The following NEB variants were observed in gnomAD, a reference collection of about 807,000 sequenced individuals.
NEB encodes nebulin.
Under a neutral mutation model 952.2 loss-of-function variants are expected in NEB, and 512 were observed. That is an observed-to-expected ratio of 0.54 (90% CI 0.50 to 0.58). NEB has a LOEUF of 0.58. NEB is among the 20% of genes least tolerant of loss of function. The pLI is 0.00. For synonymous variants in NEB, 2,900 were observed against 3,149.8 expected (o/e 0.92, Z 2.66); for missense variants, 8,428 against 9,231.1 (o/e 0.91, Z 3.56).
At chr2:151,625,896 G>A (rs1356763604) in intron 70 of NEB, among the ~76,000 whole-genome samples, 1 of 152,066 alleles carries the variant, frequency 6.6e-6, no homozygotes, top group Non-Finnish European at 1.5e-5. Context: ...ACGTGTGTGT[G>A]TTTGGTAACC....
intron 135 of NEB, among the ~76,000 whole-genome samples, chr2:151,544,481 G>A (rs1014322357): frequency 3.9e-5 from 6 of 152,126 alleles, no homozygotes; most frequent in Non-Finnish European, 7.4e-5. Context: ...AGGGGTCAGG[G>A]CCCTCTCTGG....
At position 151,692,872 on chromosome 2, in the gene NEB, A is replaced by G. The variant is rs543214700; in HGVS notation, c.1897-510T>C. On this transcript the variant is annotated intron_variant, in intron 20 of 181. Transcript: ENST00000397345. ...GTAATCCCAGCTACTTGGGAGGCTG[A>G]GGCAGGAGAATTGCTTGAACCTGGG... is the stretch of plus-strand genomic sequence containing the variant. 2.0e-5 allele frequency among the ~76,000 whole-genome samples: 3 copies of G among 152,300 alleles called. No homozygotes were observed. The East Asian group carries it at 5.8e-4, about 29-fold the overall frequency.
chr2:151,705,204 T>A (rs2099700200), intron 13 of NEB, among the ~76,000 whole-genome samples: 1 of 152,192 alleles, frequency 6.6e-6, no homozygotes, highest in Admixed American at 6.5e-5. Context: ...TACTAAGAGT[T>A]ACTACTAACT....
rs1227653633 is a variant in NEB at position 151,525,178 on chromosome 2, G to A, written c.22257C>T (p.Ala7419=). The change falls in exon 151 of 182, where the codon GCC becomes GCT. Residue 7419 remains alanine, a synonymous_variant. Transcript: ENST00000397345. ...GAAAACTTACATCACTTTGCTTCTT[G>A]GCCACTTCCATAGCATGTTTCACCT... ...PPEVKHAMEV[A]KKQSDVAYRK... is the part of the protein sequence containing the mutation. The A allele has an allele frequency of 6.2e-7, 1 of 1,613,322 alleles. No homozygotes were observed. Among genetic ancestry groups the A allele is most frequent in the East Asian group, 2.2e-5 (1 of 44,892 alleles).
At chr2:151,543,222 C>T (rs961464199) in intron 135 of NEB, among the ~76,000 whole-genome samples, 9 of 152,090 alleles carry the variant, frequency 5.9e-5, no homozygotes, top group Admixed American at 2.6e-4. Flanking sequence ...TAATGTAATG[C>T]GGCAAATGAG....
chr2:151,627,940 A>G (rs1418138437), intron 68 of NEB, 106 bp from the exon 69 acceptor site: 2 of 1,384,322 alleles, frequency 1.4e-6, no homozygotes, highest in East Asian at 2.4e-5. Flanking sequence ...TTGCAGAGTA[A>G]TGAAAGAATC....
rs760042753 is a variant in NEB at position 151,639,341 on chromosome 2, T to G, written c.8933A>C (p.His2978Pro). 2 of 1,546,646 alleles carry G rather than the reference T, an allele frequency of 1.3e-6. No homozygotes were observed. The highest frequency in any genetic ancestry group is 1.7e-6 in the Non-Finnish European group (2 of 1,148,154). Reference protein sequence around the residue: ...EAWDKDKTQIHIMPDTPEIML... With the variant: ...EAWDKDKTQIPIMPDTPEIML... ...AATTTCTGGTGTGTCTGGCATTATG[T>G]GGATCTGAGTCTTGTCTTTGTCCCA... Residue 2978 changes from histidine to proline, a missense_variant, in exon 63 of 182, where the codon CAC becomes CCC. Transcript: ENST00000397345.
At chr2:151,624,589 C>A (rs1046790373) in intron 71 of NEB, among the ~76,000 whole-genome samples, 1 of 152,064 alleles carries the variant, frequency 6.6e-6, no homozygotes, top group Admixed American at 6.6e-5. Context: ...GAAATCATAC[C>A]CTCTCCATTT....
chr2:151,501,570 AT>A, intron 167 of NEB, 87 bp from the exon 168 acceptor site: 1 of 640,888 alleles, frequency 1.6e-6, no homozygotes, highest in Non-Finnish European at 2.4e-6. Flanking sequence ...TAAAAGAAGT[AT>A]TTTTATTGTT....
In NEB at chr2:151,642,699, A is replaced by G; in HGVS notation, c.8266-18T>C. 6.2e-7 allele frequency: 1 copy of G among 1,611,330 alleles called. No individual in the cohort carries two copies. Among genetic ancestry groups the G allele is most frequent in the African/African-American group, 1.3e-5 (1 of 75,024 alleles). On this transcript the variant is annotated intron_variant, in intron 59 of 181. Coordinates refer to ENST00000397345, the MANE Select transcript of NEB (RefSeq NM_001164508.2). ...TACAATTTCTAAAATAGACATTAAT[A>G]GTAAGTTGGATTTATAAAGTGCATT...
rs1273814422 is a variant in NEB, at chr2:151,723,387, T to G, written c.712A>C (p.Ser238Arg). 1 of 1,606,046 alleles carries G rather than the reference T, an allele frequency of 6.2e-7. No homozygotes were observed. Among genetic ancestry groups the G allele is most frequent in the Admixed American group, 1.7e-5 (1 of 58,958 alleles). The change falls in exon 9 of 182, where the codon AGT becomes CGT. Residue 238 changes from serine to arginine, a missense_variant. Physicochemically the swap from Ser to Arg is moderately radical, Grantham distance 110 (BLOSUM62 -1). Transcript: ENST00000397345. The part of the protein sequence containing the change: ...RRVAQAQKAL[S>R]DVAYKKGLAE... Reference sequence around the variant, plus strand: ...GCCACTTGCATTTCACTTACATCACTGAGAGCTTTCTGGGCCTGGGCAACT... The same window carrying G: ...GCCACTTGCATTTCACTTACATCACGGAGAGCTTTCTGGGCCTGGGCAACT...
At chr2:151,674,621 A>C in intron 35 of NEB, 37 bp from the exon 36 acceptor site, 1 of 1,431,966 alleles carries the variant, frequency 7.0e-7, no homozygotes, top group South Asian at 1.2e-5. Context: ...AGCATCTGTA[A>C]GTGATTCCTC....
intron 142 of NEB, 66 bp downstream of exon 142, chr2:151,535,625 A>T: frequency 9.8e-7 from 1 of 1,021,532 alleles, no homozygotes; most frequent in Non-Finnish European, 1.4e-6. Flanking sequence ...GCTTTAATTT[A>T]AAAAAACTCT....
Position 151,614,447 on chromosome 2 carries a change from C to T in NEB, c.11430G>A (p.Lys3810=), listed in dbSNP as rs764934509. Residue 3810 remains lysine (K), a synonymous_variant, in exon 77 of 182, where the codon AAG becomes AAA. Coordinates refer to ENST00000397345, the MANE Select transcript of NEB (RefSeq NM_001164508.2). ...SDREYKKEFE[K]WKTKFSSPVD... ...CTGGGCTGCTGAACTTGGTCTTCCA[C>T]TTCTCAAACTCCTTCTTGTACTCCC... 2 of 1,613,938 alleles carry T rather than the reference C, an allele frequency of 1.2e-6. No homozygotes were observed. Among genetic ancestry groups the T allele is most frequent in the Non-Finnish European group, 1.7e-6 (2 of 1,179,870 alleles).
At chr2:151,578,726 GGAAGGAAGGAAGGAAGGAGA>G (rs2096986697) in intron 105 of NEB, among the ~76,000 whole-genome samples, 1 of 147,714 alleles carries the variant, frequency 6.8e-6, no homozygotes, top group Non-Finnish European at 1.5e-5. Context: ...AAGGAAGGAG[GGAAGGAAGGAAGGAAGGAGA>G]GAAGGAAGGA....
At chr2:151,710,194 C>A (rs972354259) in intron 11 of NEB, among the ~76,000 whole-genome samples, 24 of 152,154 alleles carry the variant, frequency 1.6e-4, no homozygotes, top group Admixed American at 1.0e-3. Flanking sequence ...GAGGGTCTTA[C>A]CATAATGTGT....
chr2:151,709,582 T>C (rs1036063224), intron 12 of NEB, 74 bp downstream of exon 12: 19 of 1,190,820 alleles, frequency 1.6e-5, no homozygotes, highest in Admixed American at 8.2e-5. Context: ...TTACTAATTA[T>C]ATACAAGAGC....
At chr2:151,544,550 C>CT (rs1322605794) in intron 135 of NEB, among the ~76,000 whole-genome samples, 1 of 152,196 alleles carries the variant, frequency 6.6e-6, no homozygotes, top group East Asian at 1.9e-4. Flanking sequence ...AAAAGCACAA[C>CT]TTTAGCAGGA....
At chr2:151,669,946 A>T (rs1459659199) in intron 38 of NEB, among the ~76,000 whole-genome samples, 1 of 152,072 alleles carries the variant, frequency 6.6e-6, no homozygotes, top group African/African-American at 2.4e-5. Context: ...GATATTTAGG[A>T]AGCTGACTCA....
Sources: allele counts gnomAD v4.1 joint callset (sites outside exome capture counted in the v4.1 genomes callset), GRCh38; gene constraint gnomAD v4.1.1; transcripts MANE v1.5; gene names NCBI Gene and HGNC (gene_info 2026-07-23, HGNC 2026-07-21).